The following MED26 variants were observed in gnomAD, a reference collection of about 807,000 sequenced individuals.
MED26 encodes mediator complex subunit 26.
Under a neutral mutation model 43.7 loss-of-function variants are expected in MED26, and 7 were observed. That is an observed-to-expected ratio of 0.16 (90% CI 0.09 to 0.30). The LOEUF is 0.30. MED26 is among the 10% of genes least tolerant of loss of function. The pLI, the probability that MED26 is intolerant of heterozygous loss-of-function variation, is 1.00. For missense variants in MED26, 784 were observed against 840.6 expected, an observed-to-expected ratio of 0.93 and a Z score of 0.83; for synonymous variants, 375 against 371.1, an observed-to-expected ratio of 1.01 and a Z score of -0.12.
At chr19:16,585,923 G>C (rs2086068871) in intron 1 of MED26, among the ~76,000 whole-genome samples, 1 of 152,166 alleles carries the variant, frequency 6.6e-6, no homozygotes, top group Non-Finnish European at 1.5e-5. Context: ...TTATTACAGG[G>C]GTGTGTAAGT....
chr19:16,627,349 G>A (rs2086283772), intron 1 of MED26, among the ~76,000 whole-genome samples: 1 of 152,190 alleles, frequency 6.6e-6, no homozygotes, highest in African/African-American at 2.4e-5. Context: ...AAAACAGACT[G>A]GGGGTTCTCT....
chr19:16,615,724 A>G (rs1166718085), intron 1 of MED26, among the ~76,000 whole-genome samples: 1 of 151,266 alleles, frequency 6.6e-6, no homozygotes, highest in East Asian at 1.9e-4. Context: ...CCAGCCTGGG[A>G]GGCAGAGCAA....
chr19:16,595,579 T>C (rs1274710369), intron 1 of MED26, among the ~76,000 whole-genome samples: 1 of 152,128 alleles, frequency 6.6e-6, no homozygotes, highest in African/African-American at 2.4e-5. Context: ...TGGAGACCAG[T>C]GCTCAGGTCT....
At chr19:16,598,402 C>G (rs1046041923) in intron 1 of MED26, among the ~76,000 whole-genome samples, 4 of 151,844 alleles carry the variant, frequency 2.6e-5, no homozygotes, top group Non-Finnish European at 5.9e-5. Context: ...CACCCCACCC[C>G]CAGAAGGTCG....
chr19:16,626,913 T>TCCCCCCCA (rs35364668), intron 1 of MED26, among the ~76,000 whole-genome samples: 5 of 117,640 alleles, frequency 4.3e-5, no homozygotes, highest in East Asian at 4.8e-4. Flanking sequence ...AGATCAGTCT[T>TCCCCCCCA]CCCCCCCACC....
rs561761254 is a variant in MED26 at position 16,621,658 on chromosome 19, G to A, written c.72+6214C>T. Among the ~76,000 whole-genome samples, 72 of 151,822 alleles carry A rather than the reference G, an allele frequency of 4.7e-4. 1 individual carries two copies. In the South Asian group the frequency reaches 0.015, roughly 31 times the overall value. ...TCCACAGAGAATCGCAGAACCTCCC[G>A]GTACTTGGATGGTCACAGAATCCAA... On this transcript the variant is annotated intron_variant, in intron 1 of 2. Transcript: ENST00000263390.
At chr19:16,599,561 G>GGGGT (rs1327957956) in intron 1 of MED26, among the ~76,000 whole-genome samples, 2 of 152,156 alleles carry the variant, frequency 1.3e-5, no homozygotes, top group Non-Finnish European at 2.9e-5. Flanking sequence ...ATATTAAAAG[G>GGGGT]GGGTGATATT....
chr19:16,624,528 A>G (rs922036586), intron 1 of MED26: 1 of 152,250 alleles, frequency 6.6e-6, no homozygotes, highest in Admixed American at 6.5e-5. Flanking sequence ...ACCTGCAGCT[A>G]GCAAGCCCTG....
At position 16,576,192 on chromosome 19, in the gene MED26, C is replaced by T; in HGVS notation, c.1638G>A (p.Glu546=). ...PPTDLPGLTR[E]VTQDDLDRIQ... is the part of the protein sequence containing the mutation. ...TTCTGTCGAGATCGTCCTGTGTGAC[C>T]TCCCGGGTCAGACCAGGGAGGTCCG... Residue 546 remains glutamate (E), a synonymous_variant, in exon 3 of 3, where the codon GAG becomes GAA. Transcript: ENST00000263390. This position sits in a 1 kb window ranked among gnomAD's most constrained non-coding sequence, Gnocchi z 6.8. 6.2e-7 allele frequency: 1 copy of T among 1,613,014 alleles called. No individual in the cohort carries two copies. The highest frequency in any genetic ancestry group is 8.5e-7 in the Non-Finnish European group (1 of 1,180,012).
Position 16,575,890 on chromosome 19 carries a change from C to T in MED26, c.*137G>A. The stretch of plus-strand genomic sequence containing the variant: ...GCGCAGAGAGACCGCGTGACTCCCG[C>T]CCCCTCCCTCCCGCCTGGGCCGGAC... On this transcript the variant is annotated 3_prime_UTR_variant, in exon 3 of 3. Transcript: ENST00000263390. 1 of 695,434 alleles carries T rather than the reference C, an allele frequency of 1.4e-6. No individual in the cohort carries two copies. Among genetic ancestry groups the T allele is most frequent in the South Asian group, 1.9e-5 (1 of 54,008 alleles). 43.1% of individuals were successfully genotyped at this position (695,434 alleles called of 1,614,324 possible).
intron 1 of MED26, among the ~76,000 whole-genome samples, chr19:16,593,430 T>G (rs777509549): frequency 6.6e-6 from 1 of 152,238 alleles, no homozygotes; most frequent in Non-Finnish European, 1.5e-5. Context: ...TTCTCACATG[T>G]GGTCCAGCCT....
At chr19:16,596,955 C>T (rs1439888990) in intron 1 of MED26, among the ~76,000 whole-genome samples, 1 of 152,230 alleles carries the variant, frequency 6.6e-6, no homozygotes, top group Non-Finnish European at 1.5e-5. Flanking sequence ...CATATTCCAA[C>T]CTCACAAGAA....
rs1011639889 is a variant in MED26 at position 16,575,876 on chromosome 19, C to G, written c.*151G>C. 1 of 642,244 alleles carries G rather than the reference C, an allele frequency of 1.6e-6. No homozygotes were observed. The highest frequency in any genetic ancestry group is 2.7e-6 in the Non-Finnish European group (1 of 371,516). 39.8% of individuals were successfully genotyped at this position (642,244 alleles called of 1,614,324 possible). A position where few individuals can be genotyped will look rare whatever the true frequency, so the allele number is the denominator to read the frequency against. On this transcript the variant is annotated 3_prime_UTR_variant, in exon 3 of 3. Coordinates refer to ENST00000263390, the MANE Select transcript of MED26 (RefSeq NM_004831.5). Reference sequence around the variant, plus strand: ...GTTTTGAGGGAAGAGCGCAGAGAGACCGCGTGACTCCCGCCCCCTCCCTCC... The same window carrying G: ...GTTTTGAGGGAAGAGCGCAGAGAGAGCGCGTGACTCCCGCCCCCTCCCTCC...
At chr19:16,607,973 C>T (rs989539495) in intron 1 of MED26, among the ~76,000 whole-genome samples, 1 of 152,244 alleles carries the variant, frequency 6.6e-6, no homozygotes, top group Non-Finnish European at 1.5e-5. Flanking sequence ...GCTGCAAAGG[C>T]GCAGACACCA....
At chr19:16,620,660 G>T (rs888388022) in intron 1 of MED26, among the ~76,000 whole-genome samples, 1 of 152,216 alleles carries the variant, frequency 6.6e-6, no homozygotes, top group Non-Finnish European at 1.5e-5. Context: ...AATGGTTCCT[G>T]AGGGAGACGG....
Position 16,576,462 on chromosome 19 carries a change from C to T in MED26, c.1368G>A (p.Arg456=). 7 of 1,614,168 alleles carry T rather than the reference C, an allele frequency of 4.3e-6. No individual in the cohort carries two copies. Among genetic ancestry groups the T allele is most frequent in the Non-Finnish European group, 5.1e-6 (6 of 1,180,026 alleles). Residue 456 remains arginine, a synonymous_variant, in exon 3 of 3, where the codon AGG becomes AGA. Coordinates refer to ENST00000263390, the MANE Select transcript of MED26 (RefSeq NM_004831.5). This position sits in a 1 kb window ranked among gnomAD's most constrained non-coding sequence, Gnocchi z 6.8. Reference sequence around the variant, plus strand: ...TGGCCTCCTGCTTGTCCAGCTCTGTCCTGGACTGCTGCTCCATGTGCACAG... The same window carrying T: ...TGGCCTCCTGCTTGTCCAGCTCTGTTCTGGACTGCTGCTCCATGTGCACAG... The part of the protein sequence containing the change: ...DSPVHMEQQS[R]TELDKQEAKA...
intron 1 of MED26, among the ~76,000 whole-genome samples, chr19:16,627,282 G>C (rs2086282988): frequency 6.6e-6 from 1 of 152,170 alleles, no homozygotes; most frequent in Non-Finnish European, 1.5e-5. Flanking sequence ...GCAAAGGCGT[G>C]TCTAGTCACA....
intron 1 of MED26, among the ~76,000 whole-genome samples, chr19:16,609,941 T>TAAAAAAAAAAAAAAAAAA (rs869040520): frequency 1.2e-5 from 1 of 84,672 alleles, no homozygotes. Context: ...AAGCACTCTT[T>TAAAAAAAAAAAAAAAAAA]AAAAAAAAAA....
chr19:16,618,234 A>G (rs1159295424), intron 1 of MED26, among the ~76,000 whole-genome samples: 1 of 152,186 alleles, frequency 6.6e-6, no homozygotes, highest in East Asian at 1.9e-4. Context: ...GTCACAGCGC[A>G]GTCTCCTCAT....
Sources: gnomAD v4.1 joint callset for allele counts (sites outside exome capture counted in the v4.1 genomes callset) on GRCh38, gnomAD v4.1.1 for gene constraint, Gnocchi (gnomAD v3.1) non-coding constraint, MANE v1.5 for transcripts, NCBI Gene and HGNC (gene_info 2026-07-23, HGNC 2026-07-21) for gene names.